The following PCDH20 variants were observed in gnomAD, a reference collection of about 807,000 sequenced individuals.
PCDH20 encodes the protein protocadherin 20, also known as protocadherin-20.
A neutral mutation model predicts 39.7 loss-of-function variants in PCDH20; 18 were observed. The ratio of observed to expected loss-of-function variants is 0.45; its 90% CI spans 0.31 to 0.67. The LOEUF (loss-of-function observed/expected upper bound fraction) is 0.67. Ranked by LOEUF, PCDH20 falls within the 30% of genes least tolerant of loss-of-function variation. The pLI, the probability that PCDH20 is intolerant of heterozygous loss-of-function variation, is 0.05. For missense variants in PCDH20, 1,161 were observed against 1,167.4 expected, an observed-to-expected ratio of 0.99 and a Z score of 0.08; for synonymous variants, 495 against 455.4, an observed-to-expected ratio of 1.09 and a Z score of -1.11.
chr13:61,412,795 A>G lies in PCDH20; in HGVS notation c.1304T>C (p.Ile435Thr), dbSNP rs1221844581. The change falls in exon 2 of 2, where the codon ATA (isoleucine) becomes ACA (threonine). Residue 435 changes from isoleucine (I) to threonine (T), a missense_variant. By Grantham distance (89) the Ile-to-Thr change is moderately conservative. This residue lies in a region of PCDH20 where 754 missense variants were observed against 777.5 expected (regional missense o/e 0.97). Coordinates refer to ENST00000409204, the Ensembl canonical transcript of PCDH20. Reference sequence around the variant, plus strand: ...TTCTTTCAGATAAACCACACCATCTATCTCGTTTGCTATGTAACGAGGGAC... The same window carrying G: ...TTCTTTCAGATAAACCACACCATCTGTCTCGTTTGCTATGTAACGAGGGAC... 3 of 1,614,096 alleles carry G rather than the reference A, an allele frequency of 1.9e-6. No individual in the cohort carries two copies. The highest frequency in any genetic ancestry group is 2.7e-5 in the African/African-American group (2 of 75,010).
chr13:61,413,693 G>C (rs1464265671), exon 2 of PCDH20: 1 of 1,614,022 alleles, frequency 6.2e-7, no homozygotes, highest in South Asian at 1.1e-5. Flanking sequence ...TCCCCAGAGC[G>C]GTTGTCTAGG....
At chr13:61,412,555 A>C (rs1415196568) in exon 2 of PCDH20, 9 of 1,613,962 alleles carry the variant, frequency 5.6e-6, no homozygotes, top group Non-Finnish European at 7.6e-6. Flanking sequence ...TTTGACATGA[A>C]ATCCCTCAGA....
exon 2 of PCDH20, chr13:61,412,530 C>A: frequency 5.0e-6 from 8 of 1,614,142 alleles, no homozygotes; most frequent in Non-Finnish European, 5.9e-6. Context: ...CTAAAAGTTG[C>A]ACTTTAATGA....
intron 1 of PCDH20, among the ~76,000 whole-genome samples, chr13:61,414,765 A>G (rs1239460789): frequency 2.6e-5 from 4 of 152,158 alleles, no homozygotes; most frequent in East Asian, 1.9e-4. Flanking sequence ...CCTGTAGCTA[A>G]AGCGGATTGA....
exon 2 of PCDH20, chr13:61,411,613 T>C: frequency 6.2e-7 from 1 of 1,614,204 alleles, no homozygotes; most frequent in Non-Finnish European, 8.5e-7. Flanking sequence ...AGGCTCGGGA[T>C]AACCATGATC....
At chr13:61,413,302 C>T in exon 2 of PCDH20, 1 of 1,614,074 alleles carries the variant, frequency 6.2e-7, no homozygotes, top group Non-Finnish European at 8.5e-7. Context: ...GGTGCGCTCC[C>T]CATTCTCATT....
chr13:61,413,453 C>T (rs749204655), exon 2 of PCDH20: 18 of 1,613,918 alleles, frequency 1.1e-5, no homozygotes, highest in Non-Finnish European at 8.5e-7. Context: ...GGGACCCACA[C>T]CGAGATCTGG....
exon 1 of PCDH20, chr13:61,415,173 C>A (rs924535467): frequency 7.1e-7 from 1 of 1,403,496 alleles, no homozygotes; most frequent in Non-Finnish European, 9.4e-7. Context: ...TGGGAGGCTG[C>A]AGTCAGAGCG....
exon 2 of PCDH20, chr13:61,411,803 C>T: frequency 6.2e-7 from 1 of 1,614,174 alleles, no homozygotes; most frequent in Non-Finnish European, 8.5e-7. Flanking sequence ...GCATAGACTT[C>T]TGTAACCGGG....
At chr13:61,413,301 C>G (rs1431213124) in exon 2 of PCDH20, 3 of 1,614,022 alleles carry the variant, frequency 1.9e-6, no homozygotes, top group Non-Finnish European at 2.5e-6. Context: ...GGGTGCGCTC[C>G]CCATTCTCAT....
chr13:61,411,669 C>A, exon 2 of PCDH20: 3 of 1,614,188 alleles, frequency 1.9e-6, no homozygotes, highest in Non-Finnish European at 2.5e-6. Context: ...CTGTCTGCAG[C>A]AATGCCTCTT....
chr13:61,411,444 A>G (rs1878243850), exon 2 of PCDH20: 1 of 1,614,102 alleles, frequency 6.2e-7, no homozygotes. Context: ...TGGGCATACA[A>G]GACACAGATT....
At chr13:61,412,296 C>G in exon 2 of PCDH20, 1 of 1,614,062 alleles carries the variant, frequency 6.2e-7, no homozygotes, top group East Asian at 2.2e-5. Context: ...ACTTTTCTTT[C>G]TCTTCTCGGT....
At chr13:61,410,375 G>A (rs1878222134) in exon 2 of PCDH20, 1 of 152,134 alleles carries the variant, frequency 6.6e-6, no homozygotes. Flanking sequence ...CCAACAAGTT[G>A]TGAAAGCACT....
chr13:61,411,995 T>C, exon 2 of PCDH20: 1 of 1,614,186 alleles, frequency 6.2e-7, no homozygotes, highest in Non-Finnish European at 8.5e-7. Context: ...TGCTGCTCTC[T>C]GTCCAAAGAG....
In PCDH20 at chr13:61,411,190, T is replaced by C. The variant is rs1204579823; in HGVS notation, c.*53A>G. 3.4e-6 allele frequency: 5 copies of C among 1,473,202 alleles called. No individual in the cohort carries two copies. In the African/African-American group the frequency reaches 7.0e-5, roughly 21 times the overall value. The allele number at this position is 1,473,202 out of a possible 1,614,324, so 91.3% of individuals were successfully genotyped here. A position where few individuals can be genotyped will look rare whatever the true frequency, so the allele number is the denominator to read the frequency against. ...CATCAACACACTCTTTTTTAGGTGA[T>C]GAAGATCCAAAGTCAGTTAAAACAT... On this transcript the variant is annotated 3_prime_UTR_variant, in exon 2 of 2. Coordinates refer to ENST00000409204, the Ensembl canonical transcript of PCDH20.
chr13:61,409,815 C>G (rs1878209654), exon 2 of PCDH20: 1 of 151,982 alleles, frequency 6.6e-6, no homozygotes, highest in South Asian at 2.1e-4. Context: ...AGTGAAATAA[C>G]AAGCCCATGT....
In PCDH20 at chr13:61,413,701, AGGGT is replaced by A; in HGVS notation, c.394_397del (p.Thr132Ter). 6.2e-7 allele frequency: 1 copy of A among 1,613,946 alleles called. No homozygotes were observed. Among genetic ancestry groups the A allele is most frequent in the Non-Finnish European group, 8.5e-7 (1 of 1,179,942 alleles). On this transcript the variant is annotated frameshift_variant, in exon 2 of 2. Coordinates refer to ENST00000409204, the Ensembl canonical transcript of PCDH20. LOFTEE classifies it high-confidence loss of function. ...GTGCAGCTCCCCAGAGCGGTTGTCT[AGGGT>A]CACGTACTGGCCACTCAGTCCCCGG...
exon 2 of PCDH20, chr13:61,412,635 T>C (rs1179763485): frequency 2.5e-6 from 4 of 1,614,026 alleles, no homozygotes; most frequent in Non-Finnish European, 3.4e-6. Context: ...TGGTCTCTAG[T>C]AAATATTCAT....
Sources: allele counts gnomAD v4.1 joint callset (sites outside exome capture counted in the v4.1 genomes callset), GRCh38; gene constraint gnomAD v4.1.1; regional missense constraint gnomAD v4.1.1; transcripts MANE v1.5; gene names NCBI Gene and HGNC (gene_info 2026-07-23, HGNC 2026-07-21).